The following MCOLN2 variants were observed in gnomAD, a reference collection of about 807,000 sequenced individuals.
MCOLN2 encodes mucolipin-2.
Under a neutral mutation model 67.5 loss-of-function variants are expected in MCOLN2, and 57 were observed. The observed-to-expected ratio is 0.84, with a 90% confidence interval of 0.68 to 1.05. MCOLN2 has a LOEUF of 1.05. Ranked by LOEUF, MCOLN2 falls within the 50% of genes least tolerant of loss-of-function variation. The pLI is 0.00. For missense variants in MCOLN2, 620 were observed against 678.8 expected, an observed-to-expected ratio of 0.91 and a Z score of 0.96; for synonymous variants, 246 against 233.3, an observed-to-expected ratio of 1.05 and a Z score of -0.50.
Position 84,996,833 on chromosome 1 carries a change from G to GAATC in MCOLN2, c.36_39dup (p.Pro14AspfsTer21), listed in dbSNP as rs1176903340. 6.2e-7 allele frequency: 1 copy of GAATC among 1,613,944 alleles called. No individual in the cohort carries two copies. Among genetic ancestry groups the GAATC allele is most frequent in the African/African-American group, 1.3e-5 (1 of 74,910 alleles). On this transcript the variant is annotated frameshift_variant, in exon 1 of 14. Transcript: ENST00000370608. LOFTEE classifies it high-confidence loss of function. ...CTGAAAACACCTGATCCTCTCTCCG[G>GAATC]AATCCTTGCCTGGGGAAAACGATAA... is the stretch of plus-strand genomic sequence containing the variant.
rs1252772014 is a variant in MCOLN2 at position 84,925,798 on chromosome 1, G to A, written c.*887C>T. 6.6e-6 allele frequency: 1 copy of A among 152,056 alleles called. No homozygotes were observed. The highest frequency in any genetic ancestry group is 2.4e-5 in the African/African-American group (1 of 41,378). The allele number at this position is 152,056 out of a possible 1,614,324, so 9.4% of individuals were successfully genotyped here. On this transcript the variant is annotated 3_prime_UTR_variant, in exon 14 of 14. Coordinates refer to ENST00000370608, the MANE Select transcript of MCOLN2 (RefSeq NM_153259.4). ...ATTTATCCCACTGGCTATGCCAACAGTTGCTTCATATCATGCTGAAGAAAA... is the reference window on the plus strand; with the variant it reads ...ATTTATCCCACTGGCTATGCCAACAATTGCTTCATATCATGCTGAAGAAAA...
At chr1:84,929,071 C>T (rs1661284536) in intron 13 of MCOLN2, among the ~76,000 whole-genome samples, 1 of 152,186 alleles carries the variant, frequency 6.6e-6, no homozygotes, top group Non-Finnish European at 1.5e-5. Context: ...TGACGAACAA[C>T]AGGCAAAGCA....
In MCOLN2 at chr1:84,952,531, C is replaced by G. The variant is rs138176641; in HGVS notation, c.566-1G>C. 6.2e-7 allele frequency: 1 copy of G among 1,600,192 alleles called. No individual in the cohort carries two copies. Among genetic ancestry groups the G allele is most frequent in the Non-Finnish European group, 8.6e-7 (1 of 1,167,484 alleles). Reference sequence around the variant, plus strand: ...TCCTGAAGGTCTAATTGAACACAATCTAGGGCAATGAAAGAACAAGAAATG... The same window carrying G: ...TCCTGAAGGTCTAATTGAACACAATGTAGGGCAATGAAAGAACAAGAAATG... On this transcript the variant is annotated splice_acceptor_variant, in intron 4 of 13. Transcript: ENST00000370608. LOFTEE classifies it high-confidence loss of function.
chr1:84,970,031 A>T lies in MCOLN2; in HGVS notation c.78-4323T>A, dbSNP rs139503661. On this transcript the variant is annotated intron_variant, in intron 1 of 13. Transcript: ENST00000370608. ...GTGCCTGAGAGCAACATCCTCAAACATGAACTTTCAGATCTCCTGAGAACA... is the reference window on the plus strand; with the variant it reads ...GTGCCTGAGAGCAACATCCTCAAACTTGAACTTTCAGATCTCCTGAGAACA... Among the ~76,000 whole-genome samples the T allele has an allele frequency of 3.3e-4, 51 of 152,314 alleles. 1 individual carries two copies. In the East Asian group the frequency reaches 6.2e-3, roughly 18 times the overall value.
chr1:84,969,236 A>AGG (rs1288336567), intron 1 of MCOLN2, among the ~76,000 whole-genome samples: 3 of 152,152 alleles, frequency 2.0e-5, no homozygotes, highest in African/African-American at 7.2e-5. Context: ...AAACCCAAAG[A>AGG]GGGAGTCATG....
Position 84,929,659 on chromosome 1 carries a change from A to G in MCOLN2, c.1563T>C (p.Phe521=), listed in dbSNP as rs1436704712. Residue 521 remains phenylalanine, a synonymous_variant, in exon 13 of 14, where the codon TTT becomes TTC. Coordinates refer to ENST00000370608, the MANE Select transcript of MCOLN2 (RefSeq NM_153259.4). Reference sequence around the variant, plus strand: ...GGAATTCCTGCAAATCCGTTTCAGGAAACCCATTCTGTTGGAATTTCTTTA... The same window carrying G: ...GGAATTCCTGCAAATCCGTTTCAGGGAACCCATTCTGTTGGAATTTCTTTA... ...DTIKKFQQNG[F]PETDLQEFLK... 2.5e-6 allele frequency: 4 copies of G among 1,613,448 alleles called. No homozygotes were observed. Among genetic ancestry groups the G allele is most frequent in the African/African-American group, 2.7e-5 (2 of 74,926 alleles).
chr1:84,992,928 A>G (rs1650960517), intron 1 of MCOLN2, among the ~76,000 whole-genome samples: 2 of 152,200 alleles, frequency 1.3e-5, no homozygotes. Flanking sequence ...ATTTCTTAAA[A>G]GAAGACAACA....
At chr1:84,988,961 A>C (rs371658629) in intron 1 of MCOLN2, among the ~76,000 whole-genome samples, 65 of 152,062 alleles carry the variant, frequency 4.3e-4, no homozygotes, top group African/African-American at 1.4e-3. Context: ...GTCACCCTTC[A>C]TCTCTCAGCA....
chr1:84,993,775 C>A (rs556383019), intron 1 of MCOLN2, among the ~76,000 whole-genome samples: 1 of 151,356 alleles, frequency 6.6e-6, no homozygotes, highest in African/African-American at 2.4e-5. Flanking sequence ...GGACTACAGG[C>A]GCCCGCCACC....
intron 13 of MCOLN2, among the ~76,000 whole-genome samples, chr1:84,929,115 G>A (rs748774320): frequency 6.6e-5 from 10 of 152,230 alleles, no homozygotes; most frequent in Non-Finnish European, 1.3e-4. Flanking sequence ...GGTGTGCACG[G>A]ATAAGCAAGC....
intron 7 of MCOLN2, among the ~76,000 whole-genome samples, chr1:84,943,216 G>A (rs1446171009): frequency 6.6e-6 from 1 of 152,152 alleles, no homozygotes; most frequent in South Asian, 2.1e-4. Flanking sequence ...AAGAGATGGA[G>A]AGAGTCATGG....
At chr1:84,938,172 AAAG>A in intron 9 of MCOLN2, 90 bp from the exon 10 acceptor site, 1 of 853,102 alleles carries the variant, frequency 1.2e-6, no homozygotes, top group Non-Finnish European at 1.8e-6. Context: ...ATTAATAAAA[AAAG>A]AACTATCTGC....
At chr1:84,929,099 G>A (rs1322660995) in intron 13 of MCOLN2, among the ~76,000 whole-genome samples, 17 of 152,352 alleles carry the variant, frequency 1.1e-4, no homozygotes, top group Admixed American at 1.0e-3. Flanking sequence ...GCAAGGAAGA[G>A]CTACTGGTGT....
chr1:84,981,864 AT>A (rs1650271267), intron 1 of MCOLN2, among the ~76,000 whole-genome samples: 1 of 152,212 alleles, frequency 6.6e-6, no homozygotes, highest in South Asian at 2.1e-4. Context: ...TGAATACCCC[AT>A]TTTCCATGAT....
intron 2 of MCOLN2, among the ~76,000 whole-genome samples, chr1:84,962,539 T>C (rs1649145828): frequency 6.6e-6 from 1 of 152,026 alleles, no homozygotes; most frequent in African/African-American, 2.4e-5. Context: ...AGAGACCTCA[T>C]CTTGAAAAAA....
intron 1 of MCOLN2, among the ~76,000 whole-genome samples, chr1:84,983,434 T>G (rs953455365): frequency 1.3e-5 from 2 of 151,756 alleles, no homozygotes; most frequent in African/African-American, 4.8e-5. Context: ...ATGCCCAGCT[T>G]ATTTTTTATT....
intron 4 of MCOLN2, among the ~76,000 whole-genome samples, chr1:84,955,061 A>G (rs1648708786): frequency 1.3e-5 from 2 of 152,096 alleles, no homozygotes; most frequent in Admixed American, 1.3e-4. Flanking sequence ...AGTTACCCCC[A>G]TGCTGCTGTT....
intron 1 of MCOLN2, among the ~76,000 whole-genome samples, chr1:84,986,360 G>A (rs1202957584): frequency 1.3e-5 from 2 of 152,010 alleles, no homozygotes; most frequent in African/African-American, 4.8e-5. Context: ...GACCAACATG[G>A]AGAAACCCTG....
Position 84,952,544 on chromosome 1 carries a change from A to G in MCOLN2, c.566-14T>C. On this transcript the variant is annotated splice_polypyrimidine_tract_variant and intron_variant, in intron 4 of 13. Coordinates refer to ENST00000370608, the MANE Select transcript of MCOLN2 (RefSeq NM_153259.4). ...ATTGAACACAATCTAGGGCAATGAA[A>G]GAACAAGAAATGGTTGTTTCAGGCA... 1 of 1,570,042 alleles carries G rather than the reference A, an allele frequency of 6.4e-7. No individual in the cohort carries two copies. Among genetic ancestry groups the G allele is most frequent in the Non-Finnish European group, 8.8e-7 (1 of 1,140,182 alleles).
Sources: gnomAD v4.1 joint callset for allele counts (sites outside exome capture counted in the v4.1 genomes callset) on GRCh38, gnomAD v4.1.1 for gene constraint, MANE v1.5 for transcripts, NCBI Gene and HGNC (gene_info 2026-07-23, HGNC 2026-07-21) for gene names.